The following HACD2 variants were observed in gnomAD, a reference collection of about 807,000 sequenced individuals.
HACD2 encodes 3-hydroxyacyl-CoA dehydratase 2.
A neutral mutation model predicts 31.0 loss-of-function variants in HACD2; 15 were observed. That is an observed-to-expected ratio of 0.48 (90% CI 0.32 to 0.75). HACD2 has a LOEUF of 0.75. Among genes scored for constraint, HACD2 ranks in the 30% least tolerant of loss-of-function variants. The pLI, the probability that HACD2 is intolerant of heterozygous loss-of-function variation, is 0.03. For missense variants in HACD2, 283 were observed against 313.0 expected (o/e 0.90, Z 0.72); for synonymous variants, 115 against 122.2 (o/e 0.94, Z 0.39).
At chr3:123,495,538 G>A (rs2055822167) in intron 6 of HACD2, among the ~76,000 whole-genome samples, 1 of 151,378 alleles carries the variant, frequency 6.6e-6, no homozygotes, top group Non-Finnish European at 1.5e-5. Flanking sequence ...AAAGACTTGA[G>A]GAGGAGGAGG....
chr3:123,576,314 C>A (rs2107757829), intron 2 of HACD2, among the ~76,000 whole-genome samples: 1 of 151,950 alleles, frequency 6.6e-6, no homozygotes, highest in Non-Finnish European at 1.5e-5. Context: ...TCTTTGAATA[C>A]CACATCAATT....
chr3:123,564,752 T>G (rs1035666262), intron 3 of HACD2, among the ~76,000 whole-genome samples: 1 of 152,138 alleles, frequency 6.6e-6, no homozygotes, highest in African/African-American at 2.4e-5. Flanking sequence ...TAAAAGATTT[T>G]TAAGACAGAG....
rs1296916057 is a variant in HACD2, at chr3:123,493,872, A to G, written c.*1016T>C. 1 of 152,246 alleles carries G rather than the reference A, an allele frequency of 6.6e-6. No homozygotes were observed. The highest frequency in any genetic ancestry group is 1.5e-5 in the Non-Finnish European group (1 of 68,044). 9.4% of individuals were successfully genotyped at this position (152,246 alleles called of 1,614,324 possible). ...AGTTAATTAGCAAAAGTATCCAAAC[A>G]GAAGAGTGAATGAAAATTTAAAAAT... On this transcript the variant is annotated 3_prime_UTR_variant, in exon 7 of 7. Transcript: ENST00000383657.
chr3:123,565,725 C>T (rs1267682631), intron 3 of HACD2, among the ~76,000 whole-genome samples: 3 of 152,136 alleles, frequency 2.0e-5, no homozygotes, highest in African/African-American at 4.8e-5. Context: ...AAGAATGAGG[C>T]AGGGTTCAGT....
chr3:123,548,421 C>T (rs573369444), intron 3 of HACD2, among the ~76,000 whole-genome samples: 57 of 152,246 alleles, frequency 3.7e-4, no homozygotes, highest in Non-Finnish European at 6.0e-4. Context: ...CTAGCCAACA[C>T]TTTGACCGCA....
chr3:123,547,199 T>C (rs1049448114), intron 3 of HACD2, among the ~76,000 whole-genome samples: 1 of 152,166 alleles, frequency 6.6e-6, no homozygotes, highest in African/African-American at 2.4e-5. Flanking sequence ...TTTAAAAGTG[T>C]TGGAATTGTG....
At chr3:123,557,566 G>A (rs970694241) in intron 3 of HACD2, among the ~76,000 whole-genome samples, 6 of 152,132 alleles carry the variant, frequency 3.9e-5, no homozygotes, top group Admixed American at 3.3e-4. Flanking sequence ...TTGAGCCCAG[G>A]AGTTCAAGGC....
chr3:123,551,090 G>C (rs2056614818), intron 3 of HACD2, among the ~76,000 whole-genome samples: 1 of 152,194 alleles, frequency 6.6e-6, no homozygotes, highest in Non-Finnish European at 1.5e-5. Context: ...TTCGTACTCT[G>C]TGAGGACAGA....
chr3:123,542,165 A>AAAAAAAAAAAAAAAC (rs2056500652), intron 3 of HACD2, among the ~76,000 whole-genome samples: 1 of 148,302 alleles, frequency 6.7e-6, no homozygotes, highest in Non-Finnish European at 1.5e-5. Context: ...AAAAAAAAAA[A>AAAAAAAAAAAAAAAC]AAAAAAGAAT....
chr3:123,512,624 A>G (rs1429145589), intron 4 of HACD2, among the ~76,000 whole-genome samples: 1 of 152,308 alleles, frequency 6.6e-6, no homozygotes, highest in Admixed American at 6.5e-5. Flanking sequence ...AGTTACATGG[A>G]GCAAACAGGC....
At chr3:123,567,439 C>T (rs1275549610) in intron 3 of HACD2, among the ~76,000 whole-genome samples, 1 of 152,182 alleles carries the variant, frequency 6.6e-6, no homozygotes, top group Non-Finnish European at 1.5e-5. Context: ...CTTTTCAACA[C>T]AGCCCAGCAC....
At chr3:123,557,586 C>G (rs1318067222) in intron 3 of HACD2, among the ~76,000 whole-genome samples, 1 of 152,154 alleles carries the variant, frequency 6.6e-6, no homozygotes, top group Non-Finnish European at 1.5e-5. Flanking sequence ...CTACAGTGAG[C>G]TATGATTGCT....
chr3:123,538,062 G>A (rs1184432226), intron 3 of HACD2, among the ~76,000 whole-genome samples: 1 of 152,156 alleles, frequency 6.6e-6, no homozygotes, highest in Non-Finnish European at 1.5e-5. Context: ...TAAAACAGGA[G>A]CCGGAGCAGA....
rs1486674686 is a variant in HACD2, at chr3:123,561,745, T to TA, written c.292+6016dup. 3.4e-5 allele frequency among the ~76,000 whole-genome samples: 5 copies of TA among 148,594 alleles called. No homozygotes were observed. The East Asian group carries it at 9.8e-4, about 29-fold the overall frequency. On this transcript the variant is annotated intron_variant, in intron 3 of 6. Transcript: ENST00000383657. ...TTCAACACAAATCACACCACATGAA[T>TA]AAAAAACCACAACTCTTCTTTGCAG...
chr3:123,584,494 G>T (rs1163273195), intron 1 of HACD2: 2 of 183,464 alleles, frequency 1.1e-5, no homozygotes, highest in Non-Finnish European at 2.2e-5. Flanking sequence ...CCATGCTGGC[G>T]CCGTTCAACA....
intron 3 of HACD2, among the ~76,000 whole-genome samples, chr3:123,545,524 A>AATAAATAAATAG (rs2056549372): frequency 2.5e-5 from 3 of 120,864 alleles, no homozygotes; most frequent in Admixed American, 1.7e-4. Context: ...TAAATAAATA[A>AATAAATAAATAG]ATAGAAATAA....
At chr3:123,542,141 C>T (rs1437354854) in intron 3 of HACD2, among the ~76,000 whole-genome samples, 1 of 47,162 alleles carries the variant, frequency 2.1e-5, no homozygotes, top group African/African-American at 9.1e-5. Context: ...AGCGAGACTC[C>T]GTCTCAAAAA....
intron 3 of HACD2, among the ~76,000 whole-genome samples, chr3:123,547,560 T>C (rs1391527390): frequency 1.3e-5 from 2 of 152,146 alleles, no homozygotes; most frequent in Non-Finnish European, 2.9e-5. Flanking sequence ...GGATATTCCT[T>C]ACCATGTATC....
At chr3:123,535,690 A>T (rs1020162579) in intron 3 of HACD2, among the ~76,000 whole-genome samples, 2 of 152,194 alleles carry the variant, frequency 1.3e-5, no homozygotes, top group Non-Finnish European at 2.9e-5. Context: ...GGAAGTGACT[A>T]ACTAGCAGCC....
Sources: allele counts gnomAD v4.1 joint callset (sites outside exome capture counted in the v4.1 genomes callset), GRCh38; gene constraint gnomAD v4.1.1; transcripts MANE v1.5; gene names NCBI Gene and HGNC (gene_info 2026-07-23, HGNC 2026-07-21).